SDC2: variants seen among roughly 807,000 people sequenced by gnomAD.
SDC2 encodes syndecan 2.
SDC2 carries 13 observed loss-of-function variants against 22.2 expected under a neutral mutation model. The ratio of observed to expected loss-of-function variants is 0.59; its 90% confidence interval spans 0.38 to 0.93. SDC2 has a LOEUF of 0.93. Ranked by LOEUF, SDC2 falls within the 40% of genes least tolerant of loss-of-function variation. The pLI is 0.00. For synonymous variants in SDC2, 94 were observed against 92.8 expected, an observed-to-expected ratio of 1.01 and a Z score of -0.07; for missense variants, 235 against 246.8, an observed-to-expected ratio of 0.95 and a Z score of 0.32.
At chr8:96,519,181 A>G (rs1418159372) in intron 1 of SDC2, among the ~76,000 whole-genome samples, 1 of 152,058 alleles carries the variant, frequency 6.6e-6, no homozygotes, top group African/African-American at 2.4e-5. Context: ...GTCTCTTGTA[A>G]ATGGAGGCCG....
At chr8:96,563,661 C>T (rs968715369) in intron 1 of SDC2, among the ~76,000 whole-genome samples, 1 of 152,164 alleles carries the variant, frequency 6.6e-6, no homozygotes, top group Non-Finnish European at 1.5e-5. Context: ...ACCTTGAGAA[C>T]CACTCTTCTA....
rs1197037707 is a variant in SDC2, at chr8:96,560,648, A to G, written c.61-32832A>G. Among the ~76,000 whole-genome samples, 3 of 152,126 alleles carry G rather than the reference A, an allele frequency of 2.0e-5. No homozygotes were observed. In the East Asian group the frequency reaches 5.8e-4, roughly 29 times the overall value. ...TTTCTGAATTTCCCTGGAGAACTTA[A>G]TATAGTTGTACTTATATTATTTTTG... On this transcript the variant is annotated intron_variant, in intron 1 of 4. Coordinates refer to ENST00000302190, the MANE Select transcript of SDC2 (RefSeq NM_002998.4).
At chr8:96,505,897 C>CT (rs1208238390) in intron 1 of SDC2, among the ~76,000 whole-genome samples, 1 of 152,204 alleles carries the variant, frequency 6.6e-6, no homozygotes, top group Non-Finnish European at 1.5e-5. Flanking sequence ...TAACTACTGT[C>CT]TACCTTATGA....
intron 1 of SDC2, among the ~76,000 whole-genome samples, chr8:96,534,223 G>T (rs1813715119): frequency 6.6e-6 from 1 of 152,222 alleles, no homozygotes. Context: ...GAGGGAGCTG[G>T]CCCCAGCCTC....
chr8:96,591,740 A>AT (rs1814784938), intron 1 of SDC2, among the ~76,000 whole-genome samples: 1 of 152,100 alleles, frequency 6.6e-6, no homozygotes, highest in Non-Finnish European at 1.5e-5. Context: ...CTCCAGGGGA[A>AT]GTAAATGGGA....
At chr8:96,500,047 A>G (rs560524222) in intron 1 of SDC2, among the ~76,000 whole-genome samples, 2 of 152,310 alleles carry the variant, frequency 1.3e-5, no homozygotes, top group Admixed American at 6.5e-5. Flanking sequence ...TTCAGGGTCA[A>G]CTGAATACAC....
chr8:96,497,691 A>C (rs1813096676), intron 1 of SDC2, among the ~76,000 whole-genome samples: 1 of 152,146 alleles, frequency 6.6e-6, no homozygotes, highest in Admixed American at 6.5e-5. Flanking sequence ...AGGCCCCTGA[A>C]GCTGACCCAG....
At chr8:96,538,810 A>G (rs183470215) in intron 1 of SDC2, 1 of 151,706 alleles carries the variant, frequency 6.6e-6, no homozygotes, top group East Asian at 1.9e-4. Flanking sequence ...TAGACCAAAC[A>G]GCTGGCTGGG....
Position 96,608,559 on chromosome 8 carries a change from T to C in SDC2, c.442+89T>C, listed in dbSNP as rs746271071. On this transcript the variant is annotated intron_variant, in intron 4 of 4. Transcript: ENST00000302190. Reference sequence around the variant, plus strand: ...TATTCAAAAGTGCAGCAAAGCTTGCTGTCATCTTTCTGCTGAAAGCAGTCT... The same window carrying C: ...TATTCAAAAGTGCAGCAAAGCTTGCCGTCATCTTTCTGCTGAAAGCAGTCT... 128 of 1,218,798 alleles carry C rather than the reference T, an allele frequency of 1.1e-4. No individual in the cohort carries two copies. In the Middle Eastern group the frequency reaches 1.3e-3, roughly 12 times the overall value. 75.5% of individuals were successfully genotyped at this position (1,218,798 alleles called of 1,614,324 possible). A position where few individuals can be genotyped will look rare whatever the true frequency, so the allele number is the denominator to read the frequency against.
At chr8:96,576,210 C>T (rs1814487275) in intron 1 of SDC2, among the ~76,000 whole-genome samples, 2 of 151,846 alleles carry the variant, frequency 1.3e-5, no homozygotes, top group East Asian at 1.9e-4. Context: ...ACTTTCTGGT[C>T]CCATTAGTGA....
intron 1 of SDC2, among the ~76,000 whole-genome samples, chr8:96,517,755 ACGTTTGTGTGTGTG>A (rs1813425645): frequency 1.5e-5 from 1 of 68,386 alleles, no homozygotes; most frequent in Admixed American, 1.5e-4. Context: ...ATAAATACAC[ACGTTTGTGTGTGTG>A]CATGTGTGTG....
chr8:96,538,123 C>T (rs941597420), intron 1 of SDC2, among the ~76,000 whole-genome samples: 15 of 152,094 alleles, frequency 9.9e-5, no homozygotes, highest in South Asian at 6.2e-4. Flanking sequence ...CCACCACGCC[C>T]GGCTAATTTT....
chr8:96,594,560 T>C (rs1230260196), intron 2 of SDC2, among the ~76,000 whole-genome samples: 2 of 152,178 alleles, frequency 1.3e-5, no homozygotes, highest in Non-Finnish European at 2.9e-5. Flanking sequence ...AGTGAAAGGA[T>C]TCATAAAGTC....
chr8:96,593,670 G>T, intron 2 of SDC2, 79 bp downstream of exon 2: 1 of 926,736 alleles, frequency 1.1e-6, no homozygotes, highest in Non-Finnish European at 1.7e-6. Context: ...TTACTTCAAG[G>T]AGACAGGCAG....
At position 96,570,612 on chromosome 8, in the gene SDC2, C is replaced by T. The variant is rs573560074; in HGVS notation, c.61-22868C>T. The stretch of plus-strand genomic sequence containing the variant: ...CCTGTGCATTCCACTGTGATAGCCA[C>T]GAGGTGCATGTGTCCATTGAGTACT... On this transcript the variant is annotated intron_variant, in intron 1 of 4. Transcript: ENST00000302190. Among the ~76,000 whole-genome samples, 123 of 152,118 alleles carry T rather than the reference C, an allele frequency of 8.1e-4. 1 individual carries two copies. In the South Asian group the frequency reaches 0.02, roughly 24 times the overall value.
intron 2 of SDC2, 44 bp downstream of exon 2, chr8:96,593,635 T>C (rs1382025385): frequency 8.2e-7 from 1 of 1,213,990 alleles, no homozygotes; most frequent in East Asian, 2.3e-5. Context: ...TCTCCAGGCA[T>C]GCACGCACAC....
At chr8:96,605,231 G>C (rs1563679284) in intron 3 of SDC2, among the ~76,000 whole-genome samples, 1 of 152,218 alleles carries the variant, frequency 6.6e-6, no homozygotes, top group Non-Finnish European at 1.5e-5. Context: ...TCATATTACA[G>C]TAACTACTTA....
intron 3 of SDC2, among the ~76,000 whole-genome samples, chr8:96,607,977 G>A (rs1318940056): frequency 6.6e-6 from 1 of 152,136 alleles, no homozygotes; most frequent in African/African-American, 2.4e-5. Context: ...TTGGGGCAGT[G>A]CTGTTGGGTT....
intron 1 of SDC2, among the ~76,000 whole-genome samples, chr8:96,569,663 G>A (rs946539416): frequency 2.6e-5 from 4 of 152,188 alleles, no homozygotes; most frequent in African/African-American, 9.7e-5. Context: ...TTTAGGCACT[G>A]TAAAGGTACG....
Sources: gnomAD v4.1 joint callset for allele counts (sites outside exome capture counted in the v4.1 genomes callset) on GRCh38, gnomAD v4.1.1 for gene constraint, MANE v1.5 for transcripts, NCBI Gene and HGNC (gene_info 2026-07-23, HGNC 2026-07-21) for gene names.